The following VRK3 variants were observed in gnomAD, a reference collection of about 807,000 sequenced individuals.
The protein encoded by VRK3 is serine/threonine-protein kinase VRK3.
VRK3 carries 50 observed loss-of-function variants against 60.4 expected under a neutral mutation model. That is an observed-to-expected ratio of 0.83 (90% confidence interval 0.66 to 1.05). VRK3 has a LOEUF of 1.05. Ranked by LOEUF, VRK3 falls within the 50% of genes least tolerant of loss-of-function variation. The pLI, the probability that VRK3 is intolerant of heterozygous loss-of-function variation, is 0.00. For missense variants in VRK3, 549 were observed against 585.3 expected, an observed-to-expected ratio of 0.94 and a Z score of 0.64; for synonymous variants, 246 against 227.8, an observed-to-expected ratio of 1.08 and a Z score of -0.72.
intron 5 of VRK3, among the ~76,000 whole-genome samples, chr19:50,005,916 C>T (rs984936634): frequency 1.3e-4 from 19 of 149,252 alleles, no homozygotes; most frequent in Admixed American, 1.2e-3. Context: ...TTTGGGGTGA[C>T]AGAAACGTCC....
chr19:49,987,283 C>A (rs1016003822), intron 12 of VRK3, among the ~76,000 whole-genome samples: 1 of 152,106 alleles, frequency 6.6e-6, no homozygotes, highest in African/African-American at 2.4e-5. Context: ...TTTTGTGCTC[C>A]GCTGTCCCTG....
rs2076633030 is a variant in VRK3 at position 49,992,756 on chromosome 19, C to T, written c.963+104G>A. The T allele has an allele frequency of 7.7e-6, 8 of 1,033,762 alleles. No individual in the cohort carries two copies. In the East Asian group the frequency reaches 9.6e-5, roughly 12 times the overall value. 64.0% of individuals were successfully genotyped at this position (1,033,762 alleles called of 1,614,324 possible). A position where few individuals can be genotyped will look rare whatever the true frequency, so the allele number is the denominator to read the frequency against. On this transcript the variant is annotated intron_variant, in intron 10 of 14. Coordinates refer to ENST00000316763, the MANE Select transcript of VRK3 (RefSeq NM_016440.4). Reference sequence around the variant, plus strand: ...GGAGCTCTTTATATATGATGGACAGCAATCCTTTGTCTGTAATAAGCACTA... The same window carrying T: ...GGAGCTCTTTATATATGATGGACAGTAATCCTTTGTCTGTAATAAGCACTA...
intron 3 of VRK3, among the ~76,000 whole-genome samples, chr19:50,015,135 G>A (rs771783661): frequency 1.2e-4 from 18 of 152,124 alleles, no homozygotes; most frequent in Non-Finnish European, 2.1e-4. Context: ...TAGGGCAGGC[G>A]GCAGGAACAC....
intron 11 of VRK3, among the ~76,000 whole-genome samples, chr19:49,989,006 A>C (rs2076565081): frequency 6.6e-6 from 1 of 152,112 alleles, no homozygotes; most frequent in Non-Finnish European, 1.5e-5. Context: ...ACAACGCTTA[A>C]TTTAGACAAC....
At chr19:50,016,270 C>A in intron 2 of VRK3, 107 bp from the exon 3 acceptor site, 2 of 1,432,672 alleles carry the variant, frequency 1.4e-6, no homozygotes, top group South Asian at 1.3e-5. Context: ...GAGGCACAAC[C>A]AGGGTCTTCA....
rs552334506 is a variant in VRK3 at position 49,988,762 on chromosome 19, G to A, written c.1097-270C>T. Among the ~76,000 whole-genome samples, 5 of 152,256 alleles carry A rather than the reference G, an allele frequency of 3.3e-5. No homozygotes were observed. In the South Asian group the frequency reaches 1.0e-3, roughly 32 times the overall value. Reference sequence around the variant, plus strand: ...TTCATTCATGCACTCATTCAATCAAGCCTCAGCACCCGTGTGCCAGGCCCA... The same window carrying A: ...TTCATTCATGCACTCATTCAATCAAACCTCAGCACCCGTGTGCCAGGCCCA... On this transcript the variant is annotated intron_variant, in intron 11 of 14. Coordinates refer to ENST00000316763, the MANE Select transcript of VRK3 (RefSeq NM_016440.4).
intron 14 of VRK3, 108 bp downstream of exon 14, chr19:49,978,975 C>T (rs8104102): frequency 0.19 from 224,614 of 1,211,026 alleles, 22,047 homozygotes; most frequent in East Asian, 0.32. Flanking sequence ...GGAAGCTGGG[C>T]CCTGGTATGA....
intron 4 of VRK3, chr19:50,008,921 C>A (rs1013781909): frequency 7.5e-6 from 2 of 267,968 alleles, no homozygotes; most frequent in Admixed American, 4.9e-5. Flanking sequence ...TGGGCAAAGA[C>A]TGTGTTGAGG....
chr19:50,004,156 T>A (rs562732638), intron 5 of VRK3, among the ~76,000 whole-genome samples: 2 of 152,188 alleles, frequency 1.3e-5, no homozygotes, highest in African/African-American at 4.8e-5. Context: ...CAAAACCACA[T>A]TGGCCCAGAG....
At chr19:49,981,845 G>A (rs2076428345) in intron 12 of VRK3, 2 of 1,190,382 alleles carry the variant, frequency 1.7e-6, no homozygotes, top group Non-Finnish European at 1.1e-6. Flanking sequence ...TGGCTGTGAG[G>A]GGCCAATGGG....
At chr19:49,990,773 TAAAAA>T (rs942367415) in intron 10 of VRK3, among the ~76,000 whole-genome samples, 3 of 151,062 alleles carry the variant, frequency 2.0e-5, no homozygotes, top group Non-Finnish European at 2.9e-5. Context: ...TGGTGTTCAT[TAAAAA>T]AATAATTTTT....
intron 12 of VRK3, among the ~76,000 whole-genome samples, chr19:49,983,209 A>G (rs1160852261): frequency 2.8e-5 from 4 of 140,924 alleles, no homozygotes; most frequent in African/African-American, 8.0e-5. Context: ...CTCCCATTGC[A>G]TGTCCCAGCC....
At chr19:49,984,560 CTG>C (rs2076480713) in intron 12 of VRK3, among the ~76,000 whole-genome samples, 1 of 152,198 alleles carries the variant, frequency 6.6e-6, no homozygotes, top group Non-Finnish European at 1.5e-5. Flanking sequence ...TGCCCGACCT[CTG>C]TGTCCACACT....
rs779890225 is a variant in VRK3, at chr19:50,007,626, G to A, written c.490C>T (p.Arg164Ter). 23 of 1,614,006 alleles carry A rather than the reference G, an allele frequency of 1.4e-5. No individual in the cohort carries two copies. The highest frequency in any genetic ancestry group is 5.3e-5 in the African/African-American group (4 of 74,880). ...TGGAAGGACTTCAGCTTCCACTGTCGCCCACTCTTGTCTGTCAGCACTGTC... is the reference window on the plus strand; with the variant it reads ...TGGAAGGACTTCAGCTTCCACTGTCACCCACTCTTGTCTGTCAGCACTGTC... ...TGTVLTDKSG[R>*]QWKLKSFQTR... The change falls in exon 5 of 15, where the codon CGA becomes TGA. Residue 164 changes from arginine to a stop codon, truncating the protein, a stop_gained. Coordinates refer to ENST00000316763, the MANE Select transcript of VRK3 (RefSeq NM_016440.4). LOFTEE classifies it high-confidence loss of function.
chr19:49,984,292 G>C (rs1350184135), intron 12 of VRK3, among the ~76,000 whole-genome samples: 1 of 152,166 alleles, frequency 6.6e-6, no homozygotes, highest in African/African-American at 2.4e-5. Context: ...CACTGAATGC[G>C]TAAGTGGAGA....
At chr19:49,994,337 G>A (rs998926716) in intron 9 of VRK3, among the ~76,000 whole-genome samples, 6 of 152,250 alleles carry the variant, frequency 3.9e-5, no homozygotes, top group Admixed American at 3.9e-4. Flanking sequence ...ACCCAGCCCC[G>A]GGGACAGCGT....
chr19:49,992,147 C>T (rs2076622465), intron 10 of VRK3, among the ~76,000 whole-genome samples: 2 of 152,096 alleles, frequency 1.3e-5, no homozygotes, highest in African/African-American at 4.8e-5. Context: ...GTGGCTCAGG[C>T]CTGTAATCCC....
chr19:49,995,015 T>C (rs2076677240), intron 8 of VRK3, 96 bp from the exon 9 acceptor site: 1 of 1,311,530 alleles, frequency 7.6e-7, no homozygotes. Context: ...TGCAAGGTCC[T>C]GGTCCCAGGT....
intron 2 of VRK3, among the ~76,000 whole-genome samples, chr19:50,018,645 G>A (rs955369454): frequency 6.6e-6 from 1 of 152,208 alleles, no homozygotes; most frequent in Non-Finnish European, 1.5e-5. Flanking sequence ...TCTAACTTAA[G>A]TTAGCCAGAC....
Sources: allele counts gnomAD v4.1 joint callset (sites outside exome capture counted in the v4.1 genomes callset), GRCh38; gene constraint gnomAD v4.1.1; transcripts MANE v1.5; gene names NCBI Gene and HGNC (gene_info 2026-07-23, HGNC 2026-07-21).